The following CALN1 variants were observed in gnomAD, a reference collection of about 807,000 sequenced individuals.
CALN1 encodes the protein calneuron 1.
Under a neutral mutation model 30.6 loss-of-function variants are expected in CALN1, and 17 were observed. The ratio of observed to expected loss-of-function variants is 0.56; its 90% CI spans 0.38 to 0.83. CALN1 has a LOEUF of 0.83. Among genes scored for constraint, CALN1 ranks in the 40% least tolerant of loss-of-function variants. CALN1 has a pLI of 0.00. For missense variants in CALN1, 291 were observed against 354.9 expected (o/e 0.82, Z 1.45); for synonymous variants, 156 against 131.4 (o/e 1.19, Z -1.28).
At chr7:72,282,660 C>T (rs546261564) in intron 2 of CALN1, among the ~76,000 whole-genome samples, 1 of 152,306 alleles carries the variant, frequency 6.6e-6, no homozygotes, top group South Asian at 2.1e-4. Flanking sequence ...TCTTGGACTT[C>T]CCAACCCATA....
At chr7:72,330,849 G>A (rs1801625444) in intron 2 of CALN1, among the ~76,000 whole-genome samples, 1 of 152,166 alleles carries the variant, frequency 6.6e-6, no homozygotes, top group South Asian at 2.1e-4. Flanking sequence ...CTGCCAGTGG[G>A]AAGGCAAACC....
At chr7:71,905,551 T>G (rs1794088912) in intron 5 of CALN1, among the ~76,000 whole-genome samples, 1 of 152,072 alleles carries the variant, frequency 6.6e-6, no homozygotes, top group Non-Finnish European at 1.5e-5. Context: ...ATCCTCTACA[T>G]CAGTAGCATG....
intron 1 of CALN1, among the ~76,000 whole-genome samples, chr7:72,411,511 A>C (rs778751817): frequency 1.1e-4 from 16 of 152,204 alleles, no homozygotes; most frequent in Non-Finnish European, 2.4e-4. Flanking sequence ...TTTGTCTTTA[A>C]AAAAATATGG....
chr7:72,114,675 G>A lies in CALN1; in HGVS notation c.245-8381C>T, dbSNP rs547280223. 4.4e-4 allele frequency among the ~76,000 whole-genome samples: 67 copies of A among 152,136 alleles called. 1 individual carries two copies. The highest frequency in any genetic ancestry group is 6.9e-4 in the Non-Finnish European group (47 of 68,022). On this transcript the variant is annotated intron_variant, in intron 3 of 6. Coordinates refer to ENST00000395275, the MANE Select transcript of CALN1 (RefSeq NM_031468.4). ...ATAGAGGTGAAAGGGACAGAGCTAC[G>A]AAGGCAGAGGGAAGTGTGCTAGAAA...
chr7:71,935,376 T>G (rs1795772365), intron 5 of CALN1, among the ~76,000 whole-genome samples: 1 of 152,188 alleles, frequency 6.6e-6, no homozygotes, highest in African/African-American at 2.4e-5. Flanking sequence ...TGGGAGGTCT[T>G]TCTGCCAGGA....
chr7:72,336,656 AAG>A (rs1316075044), intron 2 of CALN1: 9 of 979,900 alleles, frequency 9.2e-6, no homozygotes, highest in Non-Finnish European at 1.1e-5. Flanking sequence ...GGAAGAAGAA[AAG>A]AGAGCGCGCG....
Position 71,991,040 on chromosome 7 carries a change from A to G in CALN1, c.501+32617T>C, listed in dbSNP as rs576800020. ...TCTGAATTCAGATGGAAAAGGTATG[A>G]AACAGTGAGGGGGGGGGTCGACAAA... On this transcript the variant is annotated intron_variant, in intron 5 of 6. Coordinates refer to ENST00000395275, the MANE Select transcript of CALN1 (RefSeq NM_031468.4). 2.3e-4 allele frequency among the ~76,000 whole-genome samples: 34 copies of G among 145,936 alleles called. No homozygotes were observed. In the East Asian group the frequency reaches 8.5e-3, roughly 37 times the overall value.
chr7:72,257,683 C>A (rs756217743), intron 3 of CALN1, among the ~76,000 whole-genome samples: 3 of 152,142 alleles, frequency 2.0e-5, no homozygotes, highest in Non-Finnish European at 2.9e-5. Context: ...CAGCACAGTT[C>A]GCAACTGCAA....
upstream of CALN1, among the ~76,000 whole-genome samples, chr7:72,416,126 AT>A: frequency 6.6e-6 from 1 of 152,328 alleles, no homozygotes; most frequent in East Asian, 1.9e-4. Flanking sequence ...ACTGGCTAAA[AT>A]AGGGAAGAGG....
intron 3 of CALN1, among the ~76,000 whole-genome samples, chr7:72,205,779 A>G (rs73357175): frequency 6.6e-6 from 1 of 151,540 alleles, no homozygotes; most frequent in Non-Finnish European, 1.5e-5. Flanking sequence ...TATTTAACCT[A>G]CAGTGCAATC....
intron 3 of CALN1, among the ~76,000 whole-genome samples, chr7:72,224,577 A>G (rs1323765979): frequency 6.6e-6 from 1 of 151,840 alleles, no homozygotes; most frequent in African/African-American, 2.4e-5. Flanking sequence ...TTAGATCAGG[A>G]GTTTGAGACC....
Position 72,390,995 on chromosome 7 carries a change from A to T in CALN1, c.119+12256T>A, listed in dbSNP as rs191560160. On this transcript the variant is annotated intron_variant, in intron 2 of 6. Coordinates refer to ENST00000395275, the MANE Select transcript of CALN1 (RefSeq NM_031468.4). ...AATATATTTTTTTCTGACTCTAAGAAGATTTCTTTGTACATTGTAATTTTT... is the reference window on the plus strand; with the variant it reads ...AATATATTTTTTTCTGACTCTAAGATGATTTCTTTGTACATTGTAATTTTT... 7.9e-5 allele frequency among the ~76,000 whole-genome samples: 12 copies of T among 152,328 alleles called. No individual in the cohort carries two copies. In the East Asian group the frequency reaches 1.3e-3, roughly 17 times the overall value.
At chr7:72,360,021 T>C (rs980490764) in intron 2 of CALN1, among the ~76,000 whole-genome samples, 6 of 145,552 alleles carry the variant, frequency 4.1e-5, no homozygotes, top group African/African-American at 1.3e-4. Flanking sequence ...TGCAAAAATG[T>C]GAATGTCCCA....
intron 2 of CALN1, among the ~76,000 whole-genome samples, chr7:72,369,227 A>C (rs1042382043): frequency 2.6e-5 from 4 of 151,340 alleles, no homozygotes; most frequent in African/African-American, 7.3e-5. Flanking sequence ...ACACCTGTGA[A>C]ACCATCGCCA....
chr7:72,392,947 T>G (rs1805672025), intron 2 of CALN1, among the ~76,000 whole-genome samples: 1 of 151,930 alleles, frequency 6.6e-6, no homozygotes, highest in South Asian at 2.1e-4. Context: ...TGCAATGAGC[T>G]ATGATCTCAC....
chr7:71,863,557 CAAAA>C (rs71531769), intron 5 of CALN1, among the ~76,000 whole-genome samples: 23 of 32,210 alleles, frequency 7.1e-4, no homozygotes, highest in South Asian at 4.9e-3. Context: ...AACTCCATCT[CAAAA>C]AAAAAAAAAA....
At chr7:72,157,575 GAA>G (rs376782873) in intron 3 of CALN1, among the ~76,000 whole-genome samples, 3 of 146,722 alleles carry the variant, frequency 2.0e-5, no homozygotes, top group Admixed American at 6.8e-5. Flanking sequence ...GAAGACAGGG[GAA>G]AAAAAAAACA....
At chr7:72,463,072 G>T in the CALN1 span, among the ~76,000 whole-genome samples, 33 of 152,244 alleles carry the variant, frequency 2.2e-4, no homozygotes, top group African/African-American at 6.5e-4. Context: ...CCATTTTTCA[G>T]GTGTGGACAC....
chr7:72,174,312 AAC>A (rs1361556533), intron 3 of CALN1, among the ~76,000 whole-genome samples: 3 of 152,188 alleles, frequency 2.0e-5, no homozygotes, highest in Non-Finnish European at 2.9e-5. Flanking sequence ...ACTACTTTGA[AAC>A]ACAGTTTGGC....
Sources: allele counts gnomAD v4.1 joint callset (sites outside exome capture counted in the v4.1 genomes callset), GRCh38; gene constraint gnomAD v4.1.1; transcripts MANE v1.5; gene names NCBI Gene and HGNC (gene_info 2026-07-23, HGNC 2026-07-21).